The following CLPB variants were observed in gnomAD, a reference collection of about 807,000 sequenced individuals.
CLPB encodes the protein ClpB family mitochondrial disaggregase, also known as mitochondrial disaggregase.
A neutral mutation model predicts 78.4 loss-of-function variants in CLPB; 40 were observed. That is an observed-to-expected ratio of 0.51 (90% CI 0.40 to 0.66). The LOEUF is 0.66. Among genes scored for constraint, CLPB ranks in the 30% least tolerant of loss-of-function variants. CLPB has a pLI of 0.00. For synonymous variants in CLPB, 333 were observed against 348.0 expected, an observed-to-expected ratio of 0.96 and a Z score of 0.48; for missense variants, 780 against 886.9, an observed-to-expected ratio of 0.88 and a Z score of 1.53.
At chr11:72,395,287 T>C (rs779128199) in intron 3 of CLPB, among the ~76,000 whole-genome samples, 1 of 152,136 alleles carries the variant, frequency 6.6e-6, no homozygotes. Flanking sequence ...TCATGGGTCA[T>C]CAAGAAACCC....
intron 4 of CLPB, among the ~76,000 whole-genome samples, chr11:72,366,233 G>C (rs1036273672): frequency 6.6e-6 from 1 of 152,030 alleles, no homozygotes; most frequent in East Asian, 1.9e-4. Context: ...GTTTTGTTTT[G>C]AGATGGAGTC....
At chr11:72,352,126 T>A (rs1177776849) in intron 5 of CLPB, among the ~76,000 whole-genome samples, 2 of 152,210 alleles carry the variant, frequency 1.3e-5, no homozygotes, top group Non-Finnish European at 2.9e-5. Flanking sequence ...AATGCAGGCA[T>A]ACAGTAAGCA....
At chr11:72,332,917 C>T (rs1023547857) in intron 5 of CLPB, 3 of 152,184 alleles carry the variant, frequency 2.0e-5, no homozygotes, top group African/African-American at 7.2e-5. Flanking sequence ...AACATTCACA[C>T]ACAAGTCTTT....
chr11:72,422,863 TA>T (rs1217492474), intron 2 of CLPB, among the ~76,000 whole-genome samples: 1 of 152,198 alleles, frequency 6.6e-6, no homozygotes, highest in Non-Finnish European at 1.5e-5. Flanking sequence ...ATGCTGTAAC[TA>T]AGTACATTCT....
rs1264702844 is a variant in CLPB, at chr11:72,336,440, G to A, written c.776-6636C>T. ...AGCCAGTGAGGGGCCGCCTCTCCCA[G>A]CTGTGTGATCCAGGGCACTTGCTCT... On this transcript the variant is annotated intron_variant, in intron 5 of 15. Transcript: ENST00000538039. Among the ~76,000 whole-genome samples the A allele has an allele frequency of 3.3e-5, 5 of 152,268 alleles. No individual in the cohort carries two copies. In the South Asian group the frequency reaches 1.0e-3, roughly 32 times the overall value.
chr11:72,314,544 G>A (rs1005496850), intron 7 of CLPB, among the ~76,000 whole-genome samples: 4 of 152,106 alleles, frequency 2.6e-5, no homozygotes, highest in Non-Finnish European at 5.9e-5. Context: ...CCTAGAGATG[G>A]ACAAGGGGCC....
intron 2 of CLPB, among the ~76,000 whole-genome samples, chr11:72,418,638 C>T (rs1421421681): frequency 6.6e-6 from 1 of 151,966 alleles, no homozygotes; most frequent in Admixed American, 6.6e-5. Context: ...GGGAGGATCA[C>T]GAGGTCAGGA....
intron 3 of CLPB, among the ~76,000 whole-genome samples, chr11:72,389,790 G>A (rs776461029): frequency 6.6e-4 from 100 of 151,894 alleles, no homozygotes; most frequent in Non-Finnish European, 1.1e-3. Flanking sequence ...GCCAGGTGTG[G>A]TGGCACATGC....
At chr11:72,305,328 T>C (rs1949727128) in intron 9 of CLPB, among the ~76,000 whole-genome samples, 1 of 152,240 alleles carries the variant, frequency 6.6e-6, no homozygotes, top group Non-Finnish European at 1.5e-5. Context: ...CCATGCTATC[T>C]TCCCCATAGG....
rs1949761774 is a variant in CLPB, at chr11:72,307,243, G to C, written c.1078C>G (p.Leu360Val). The C allele has an allele frequency of 1.2e-6, 2 of 1,613,916 alleles. No individual in the cohort carries two copies. The highest frequency in any genetic ancestry group is 1.7e-6 in the Non-Finnish European group (2 of 1,179,986). Residue 360 changes from leucine to valine, a missense_variant, in exon 9 of 16, where the codon CTG becomes GTG. Around this residue, in one of 3 missense-constraint regions of CLPB, gnomAD observed 91 missense variants for 168.2 expected, o/e 0.54. Transcript: ENST00000538039. ...LGSSGIGKTE[L>V]AKQTAKYMHK... ...ATATATTTGGCTGTCTGCTTGGCCA[G>C]CTCTGTTTTTCCTAGTAAGAAAGAA...
chr11:72,343,889 T>C (rs974244348), intron 5 of CLPB, among the ~76,000 whole-genome samples: 4 of 152,154 alleles, frequency 2.6e-5, no homozygotes, highest in East Asian at 1.9e-4. Flanking sequence ...AGAACAGTAA[T>C]TGGCACTCAG....
chr11:72,380,946 C>T (rs1206791526), intron 3 of CLPB, among the ~76,000 whole-genome samples: 5 of 152,198 alleles, frequency 3.3e-5, no homozygotes, highest in Admixed American at 3.3e-4. Flanking sequence ...AAACGTGCAG[C>T]AGACCAAGAA....
chr11:72,296,568 T>C (rs896507626), intron 11 of CLPB, among the ~76,000 whole-genome samples: 2 of 152,236 alleles, frequency 1.3e-5, no homozygotes, highest in Non-Finnish European at 2.9e-5. Flanking sequence ...CAGCACTTTA[T>C]GTCATTTATA....
intron 5 of CLPB, among the ~76,000 whole-genome samples, chr11:72,350,358 T>G (rs1950592619): frequency 6.6e-6 from 1 of 152,216 alleles, no homozygotes. Flanking sequence ...ATCCACATTT[T>G]GAGTCTCAGT....
intron 5 of CLPB, among the ~76,000 whole-genome samples, chr11:72,331,169 C>A (rs1950218565): frequency 6.6e-6 from 1 of 151,678 alleles, no homozygotes; most frequent in Non-Finnish European, 1.5e-5. Flanking sequence ...CTTTGGGAGG[C>A]CAAGGCAGGT....
At chr11:72,311,649 C>T in intron 7 of CLPB, among the ~76,000 whole-genome samples, 1 of 152,252 alleles carries the variant, frequency 6.6e-6, no homozygotes, top group Non-Finnish European at 1.5e-5. Flanking sequence ...CACACCCTGA[C>T]TCCTTGGAAA....
intron 4 of CLPB, among the ~76,000 whole-genome samples, chr11:72,367,151 A>C (rs1383013475): frequency 6.6e-6 from 1 of 152,140 alleles, no homozygotes; most frequent in African/African-American, 2.4e-5. Flanking sequence ...CAAATACTGC[A>C]TGTTCTCACT....
At chr11:72,324,520 C>T (rs562054676) in intron 6 of CLPB, among the ~76,000 whole-genome samples, 3 of 151,768 alleles carry the variant, frequency 2.0e-5, no homozygotes, top group Non-Finnish European at 2.9e-5. Flanking sequence ...GAGCTGAGAC[C>T]GTGCCCTGCA....
At chr11:72,388,459 G>C (rs1386043739) in intron 3 of CLPB, among the ~76,000 whole-genome samples, 3 of 152,052 alleles carry the variant, frequency 2.0e-5, no homozygotes, top group African/African-American at 7.2e-5. Context: ...CACCGTGTTA[G>C]CCAGGATGGT....
Sources: gnomAD v4.1 joint callset for allele counts (sites outside exome capture counted in the v4.1 genomes callset) on GRCh38, gnomAD v4.1.1 for gene constraint, gnomAD v4.1.1 regional missense constraint, MANE v1.5 for transcripts, NCBI Gene and HGNC (gene_info 2026-07-23, HGNC 2026-07-21) for gene names.